DOCK3: variants seen among roughly 807,000 people sequenced by gnomAD.
DOCK3 encodes the protein dedicator of cytokinesis protein 3.
Under a neutral mutation model 265.6 loss-of-function variants are expected in DOCK3, and 60 were observed. The observed-to-expected ratio is 0.23, with a 90% CI of 0.18 to 0.28. The LOEUF (loss-of-function observed/expected upper bound fraction) is 0.28. DOCK3 is among the 10% of genes least tolerant of loss of function. DOCK3 has a pLI of 1.00. For missense variants in DOCK3, 1,981 were observed against 2,594.3 expected, an observed-to-expected ratio of 0.76 and a Z score of 5.14; for synonymous variants, 881 against 938.0, an observed-to-expected ratio of 0.94 and a Z score of 1.11.
intron 1 of DOCK3, among the ~76,000 whole-genome samples, chr3:50,677,099 T>A (rs754569797): frequency 1.8e-4 from 28 of 152,234 alleles, no homozygotes; most frequent in Non-Finnish European, 2.9e-4. Flanking sequence ...GAAAAATTGT[T>A]ATTCCCTTTG....
At chr3:51,036,585 C>T (rs1431028647) in intron 5 of DOCK3, among the ~76,000 whole-genome samples, 2 of 152,106 alleles carry the variant, frequency 1.3e-5, no homozygotes, top group Non-Finnish European at 2.9e-5. Flanking sequence ...GAATGCTGAA[C>T]TTCATACTAT....
chr3:51,153,298 C>A (rs1008235598), intron 10 of DOCK3, among the ~76,000 whole-genome samples: 1 of 152,164 alleles, frequency 6.6e-6, no homozygotes, highest in Non-Finnish European at 1.5e-5. Flanking sequence ...GCATGGGACC[C>A]GTCCAGGATA....
At chr3:51,239,410 A>G (rs899982321) in intron 21 of DOCK3, among the ~76,000 whole-genome samples, 1 of 151,804 alleles carries the variant, frequency 6.6e-6, no homozygotes, top group Non-Finnish European at 1.5e-5. Context: ...GGGTTTCACC[A>G]TGTTGGCCAG....
At chr3:51,315,150 G>A (rs375846513) in intron 32 of DOCK3, 22 bp downstream of exon 32, 9 of 1,578,986 alleles carry the variant, frequency 5.7e-6, no homozygotes, top group East Asian at 2.3e-5. Context: ...GGCAGTGTTC[G>A]GGGTATTCTC....
chr3:50,977,242 T>C (rs912167053), intron 5 of DOCK3, among the ~76,000 whole-genome samples: 3 of 152,088 alleles, frequency 2.0e-5, no homozygotes, highest in Admixed American at 2.0e-4. Context: ...CTAGTCTCGA[T>C]GGTCTTTACA....
At chr3:50,972,748 T>C (rs1454165686) in intron 5 of DOCK3, among the ~76,000 whole-genome samples, 15 of 152,238 alleles carry the variant, frequency 9.9e-5, no homozygotes, top group Non-Finnish European at 2.2e-4. Flanking sequence ...TTCTAGTTTC[T>C]CTATGCTGTT....
At chr3:51,341,131 A>G (rs2085210296) in intron 37 of DOCK3, 106 bp from the exon 38 acceptor site, 6 of 1,383,066 alleles carry the variant, frequency 4.3e-6, no homozygotes, top group Non-Finnish European at 5.8e-6. Flanking sequence ...TGGGCTGCAC[A>G]TGACTTGCGC....
At chr3:50,717,220 G>A (rs576041943) in intron 1 of DOCK3, among the ~76,000 whole-genome samples, 28 of 152,252 alleles carry the variant, frequency 1.8e-4, no homozygotes, top group African/African-American at 6.3e-4. Flanking sequence ...GTATATACTT[G>A]CCGATCCTCA....
At chr3:50,862,712 TG>T (rs770503065) in intron 3 of DOCK3, among the ~76,000 whole-genome samples, 2 of 152,214 alleles carry the variant, frequency 1.3e-5, no homozygotes, top group East Asian at 3.9e-4. Context: ...AAATGAGCCC[TG>T]GGCACAGCCT....
chr3:51,094,091 TTGC>T (rs2082735173), intron 9 of DOCK3, among the ~76,000 whole-genome samples: 1 of 152,212 alleles, frequency 6.6e-6, no homozygotes, highest in Non-Finnish European at 1.5e-5. Flanking sequence ...TTGAAGATTT[TTGC>T]ATCGATGTTC....
chr3:51,080,010 TTCATTTCTGGTATAAA>T (rs1363172331), intron 7 of DOCK3, among the ~76,000 whole-genome samples: 2 of 152,234 alleles, frequency 1.3e-5, no homozygotes, highest in Non-Finnish European at 2.9e-5. Context: ...TGTTTATACA[TTCATTTCTGGTATAAA>T]TCAGTCAATT....
At chr3:50,857,514 G>A (rs898318675) in intron 3 of DOCK3, among the ~76,000 whole-genome samples, 12 of 152,126 alleles carry the variant, frequency 7.9e-5, no homozygotes, top group African/African-American at 2.7e-4. Flanking sequence ...CAGAATGGGA[G>A]AACATTTTTG....
At chr3:51,125,197 A>G (rs1215056407) in intron 9 of DOCK3, among the ~76,000 whole-genome samples, 1 of 152,158 alleles carries the variant, frequency 6.6e-6, no homozygotes, top group Admixed American at 6.5e-5. Context: ...AGTTCAGTGG[A>G]CATTCTTATA....
Position 51,210,560 on chromosome 3 carries a change from C to A in DOCK3, c.1126+1698C>A, listed in dbSNP as rs541490764. ...GGCTGAACAAGGATAGAACCCAGGTCTCCAGACTCCAGGCCTTTGGCCTTT... is the reference window on the plus strand; with the variant it reads ...GGCTGAACAAGGATAGAACCCAGGTATCCAGACTCCAGGCCTTTGGCCTTT... On this transcript the variant is annotated intron_variant, in intron 13 of 52. Transcript: ENST00000266037. Among the ~76,000 whole-genome samples, 11 of 152,328 alleles carry A rather than the reference C, an allele frequency of 7.2e-5. No individual in the cohort carries two copies. In the South Asian group the frequency reaches 2.1e-3, roughly 29 times the overall value.
chr3:51,194,873 G>T (rs2088182197), intron 12 of DOCK3, among the ~76,000 whole-genome samples: 1 of 135,602 alleles, frequency 7.4e-6, no homozygotes, highest in Non-Finnish European at 1.5e-5. Context: ...TCACCAGGCT[G>T]CAGTGCAGTG....
chr3:51,348,783 T>C, intron 38 of DOCK3, 69 bp from the exon 39 acceptor site: 1 of 1,448,564 alleles, frequency 6.9e-7, no homozygotes, highest in Non-Finnish European at 9.5e-7. Flanking sequence ...TGTCTTCTGA[T>C]GTGTTTAATG....
At chr3:50,905,545 A>C (rs1027651776) in intron 4 of DOCK3, among the ~76,000 whole-genome samples, 2 of 152,100 alleles carry the variant, frequency 1.3e-5, no homozygotes, top group Admixed American at 6.5e-5. Context: ...GAGTTCACTC[A>C]TGATTTGGCT....
intron 9 of DOCK3, among the ~76,000 whole-genome samples, chr3:51,129,433 A>C (rs944656577): frequency 5.9e-5 from 9 of 152,318 alleles, no homozygotes; most frequent in African/African-American, 2.2e-4. Context: ...GCAGGAGTGG[A>C]GACCATGGGC....
At chr3:50,980,309 A>G (rs182022321) in intron 5 of DOCK3, among the ~76,000 whole-genome samples, 1 of 152,222 alleles carries the variant, frequency 6.6e-6, no homozygotes, top group Non-Finnish European at 1.5e-5. Context: ...GATAAATTCT[A>G]TTTGACTATG....
Sources: allele counts gnomAD v4.1 joint callset (sites outside exome capture counted in the v4.1 genomes callset), GRCh38; gene constraint gnomAD v4.1.1; transcripts MANE v1.5; gene names NCBI Gene and HGNC (gene_info 2026-07-23, HGNC 2026-07-21).